Variants in PLXDC2 observed in about 807,000 individuals in gnomAD.
PLXDC2 encodes the protein plexin domain containing 2, also known as plexin domain-containing protein 2.
A neutral mutation model predicts 68.9 loss-of-function variants in PLXDC2; 40 were observed. The observed-to-expected ratio is 0.58, with a 90% CI of 0.45 to 0.76. PLXDC2 has a LOEUF of 0.76. Ranked by LOEUF, PLXDC2 falls within the 30% of genes least tolerant of loss-of-function variation. The probability of loss-of-function intolerance (pLI) is 0.00; values close to 1 mark genes in which losing one functional copy is unlikely to be tolerated. For synonymous variants in PLXDC2, 243 were observed against 234.2 expected (o/e 1.04, Z -0.34); for missense variants, 644 against 661.9 (o/e 0.97, Z 0.30).
chr10:20,205,177 AT>A (rs1321979752), intron 9 of PLXDC2, among the ~76,000 whole-genome samples: 1 of 152,066 alleles, frequency 6.6e-6, no homozygotes, highest in African/African-American at 2.4e-5. Flanking sequence ...CTGGGAGAAC[AT>A]TGCTTGTTTT....
At position 20,288,490 on chromosome 10, in the gene PLXDC2, A is replaced by G. The variant is rs1046262732; in HGVS notation, c.*8671A>G. On this transcript the variant is annotated 3_prime_UTR_variant, in exon 14 of 14. Coordinates refer to ENST00000377252, the MANE Select transcript of PLXDC2 (RefSeq NM_032812.9). ...AAATGATTGTATCTGAATCTGCACTAATGGTGTCTGAGAGCAAAAAGAGTG... is the reference window on the plus strand; with the variant it reads ...AAATGATTGTATCTGAATCTGCACTGATGGTGTCTGAGAGCAAAAAGAGTG... 2.6e-5 allele frequency: 4 copies of G among 152,094 alleles called. No homozygotes were observed. The highest frequency in any genetic ancestry group is 7.2e-5 in the African/African-American group (3 of 41,426). The allele number at this position is 152,094 out of a possible 1,614,324, so 9.4% of individuals were successfully genotyped here. A position where few individuals can be genotyped will look rare whatever the true frequency, so the allele number is the denominator to read the frequency against.
chr10:20,267,233 AT>A (rs1303600693), intron 13 of PLXDC2, among the ~76,000 whole-genome samples: 1 of 152,184 alleles, frequency 6.6e-6, no homozygotes, highest in Non-Finnish European at 1.5e-5. Context: ...TTTAAAAATT[AT>A]TATGATGTAG....
chr10:20,037,375 T>C (rs1382313484), intron 2 of PLXDC2, among the ~76,000 whole-genome samples: 1 of 152,128 alleles, frequency 6.6e-6, no homozygotes, highest in African/African-American at 2.4e-5. Flanking sequence ...TATTTTTTAT[T>C]GTACTTTAAG....
intron 7 of PLXDC2, among the ~76,000 whole-genome samples, chr10:20,171,110 T>A (rs990299020): frequency 3.3e-5 from 5 of 152,156 alleles, no homozygotes; most frequent in African/African-American, 1.2e-4. Flanking sequence ...GTAGCAGCTA[T>A]AATGAAAATA....
intron 1 of PLXDC2, among the ~76,000 whole-genome samples, chr10:19,819,005 A>G (rs1042159474): frequency 6.7e-6 from 1 of 150,100 alleles, no homozygotes; most frequent in African/African-American, 2.5e-5. Flanking sequence ...TGTTCCAGTA[A>G]CGTTACTGAA....
intron 12 of PLXDC2, among the ~76,000 whole-genome samples, chr10:20,238,610 G>A (rs1835465141): frequency 8.1e-6 from 1 of 122,864 alleles, no homozygotes; most frequent in South Asian, 2.6e-4. Flanking sequence ...TCGCACCACT[G>A]CACTCTAGCT....
At chr10:20,094,362 C>T (rs1344485590) in intron 4 of PLXDC2, among the ~76,000 whole-genome samples, 4 of 152,210 alleles carry the variant, frequency 2.6e-5, no homozygotes, top group Admixed American at 6.5e-5. Context: ...GTAGGCAACT[C>T]GCCTAAGGTC....
intron 4 of PLXDC2, among the ~76,000 whole-genome samples, chr10:20,076,066 G>T (rs10827955): frequency 0.4 from 61,036 of 152,040 alleles, 14,835 homozygotes; most frequent in East Asian, 0.7. Context: ...CACAGATCCT[G>T]AAATACATCA....
chr10:19,883,883 A>ATTTTTTTTTTTTTTTTTTTTTT (rs1564618531), intron 1 of PLXDC2, among the ~76,000 whole-genome samples: 1 of 41,904 alleles, frequency 2.4e-5, no homozygotes, highest in African/African-American at 1.5e-4. Context: ...ATCCCTTTAA[A>ATTTTTTTTTTTTTTTTTTTTTT]CTTTTTTTTT....
chr10:19,999,601 G>A (rs1482286873), intron 1 of PLXDC2, among the ~76,000 whole-genome samples: 1 of 152,048 alleles, frequency 6.6e-6, no homozygotes, highest in Non-Finnish European at 1.5e-5. Context: ...GACTCTTTGT[G>A]TTTGCATAGC....
intron 10 of PLXDC2, among the ~76,000 whole-genome samples, chr10:20,213,063 G>A (rs1014230273): frequency 6.6e-6 from 1 of 152,036 alleles, no homozygotes; most frequent in Non-Finnish European, 1.5e-5. Flanking sequence ...TCTGTCAAAT[G>A]TATGAATCTT....
At chr10:20,186,964 C>T (rs1294930746) in intron 9 of PLXDC2, among the ~76,000 whole-genome samples, 1 of 151,580 alleles carries the variant, frequency 6.6e-6, no homozygotes, top group Admixed American at 6.6e-5. Context: ...ATGGTGTATT[C>T]TATAGTAAGT....
rs368619871 is a variant in PLXDC2, at chr10:20,061,751, C to T, written c.472-6419C>T. ...TCTTTTAACACCTGCATATACAATA[C>T]TTATGATTATTTTAATATAACAAAA... On this transcript the variant is annotated intron_variant, in intron 3 of 13. Coordinates refer to ENST00000377252, the MANE Select transcript of PLXDC2 (RefSeq NM_032812.9). Among the ~76,000 whole-genome samples, 109 of 152,268 alleles carry T rather than the reference C, an allele frequency of 7.2e-4. 3 individuals carry two copies. In the South Asian group the frequency reaches 0.022, roughly 31 times the overall value.
intron 2 of PLXDC2, among the ~76,000 whole-genome samples, chr10:20,005,857 A>C (rs1254890367): frequency 6.6e-6 from 1 of 152,128 alleles, no homozygotes; most frequent in Non-Finnish European, 1.5e-5. Flanking sequence ...ACAAATACAC[A>C]AACCATATCA....
chr10:20,014,369 TC>T (rs1835168957), intron 2 of PLXDC2, among the ~76,000 whole-genome samples: 2 of 65,982 alleles, frequency 3.0e-5, no homozygotes, highest in Middle Eastern at 6.9e-3. Context: ...CTTCCTTCCT[TC>T]CTTCCTTCCT....
chr10:19,833,357 G>C (rs1440206575), intron 1 of PLXDC2, among the ~76,000 whole-genome samples: 1 of 152,180 alleles, frequency 6.6e-6, no homozygotes, highest in Non-Finnish European at 1.5e-5. Context: ...AGTGCCGACT[G>C]CACCTCCAGC....
At chr10:20,252,932 T>C (rs2119349740) in intron 13 of PLXDC2, among the ~76,000 whole-genome samples, 1 of 152,044 alleles carries the variant, frequency 6.6e-6, no homozygotes, top group East Asian at 1.9e-4. Context: ...AGGGTTCAAC[T>C]TGATAATAAG....
chr10:20,165,271 T>G (rs1834358993), intron 7 of PLXDC2, among the ~76,000 whole-genome samples: 1 of 152,182 alleles, frequency 6.6e-6, no homozygotes, highest in African/African-American at 2.4e-5. Flanking sequence ...TGCTATCTTT[T>G]TTTTTTCTTT....
intron 1 of PLXDC2, among the ~76,000 whole-genome samples, chr10:19,855,438 G>C (rs1837194396): frequency 6.6e-6 from 1 of 152,184 alleles, no homozygotes; most frequent in East Asian, 1.9e-4. Context: ...TGTACCTTCA[G>C]GCAATTTATT....
Sources: gnomAD v4.1 joint callset for allele counts (sites outside exome capture counted in the v4.1 genomes callset) on GRCh38, gnomAD v4.1.1 for gene constraint, MANE v1.5 for transcripts, NCBI Gene and HGNC (gene_info 2026-07-23, HGNC 2026-07-21) for gene names.